NAV2: variants seen among roughly 807,000 people sequenced by gnomAD.
NAV2 encodes helicase, APC down-regulated 1.
In NAV2, 54 loss-of-function variants were observed where a neutral mutation model predicts 223.2. That is an observed-to-expected ratio of 0.24 (90% CI 0.19 to 0.30). The LOEUF (loss-of-function observed/expected upper bound fraction) is 0.30, where lower values mean the gene tolerates loss of function less well. Ranked by LOEUF, NAV2 falls within the 10% of genes least tolerant of loss-of-function variation. NAV2 has a pLI of 1.00. For missense variants in NAV2, 2,806 were observed against 3,147.5 expected (o/e 0.89, Z 2.60); for synonymous variants, 1,279 against 1,239.3 (o/e 1.03, Z -0.67).
chr11:19,468,150 A>C (rs1246575087), intron 1 of NAV2, among the ~76,000 whole-genome samples: 5 of 152,210 alleles, frequency 3.3e-5, no homozygotes, highest in Non-Finnish European at 5.9e-5. Flanking sequence ...TTCCATCCCC[A>C]ACTCCACTAC....
At chr11:20,117,806 T>G (rs2245828) in intron 37 of NAV2, among the ~76,000 whole-genome samples, 23,058 of 152,116 alleles carry the variant, frequency 0.15, 2,267 homozygotes, top group East Asian at 0.38. Context: ...TGTATAGAGA[T>G]CATCATTTTG....
chr11:19,395,275 C>T (rs985229715), intron 1 of NAV2, among the ~76,000 whole-genome samples: 1 of 152,228 alleles, frequency 6.6e-6, no homozygotes, highest in African/African-American at 2.4e-5. Flanking sequence ...GGAGAGAAAG[C>T]CCCTCATTGG....
intron 1 of NAV2, among the ~76,000 whole-genome samples, chr11:19,687,481 T>C (rs780908244): frequency 7.9e-5 from 12 of 152,320 alleles, no homozygotes; most frequent in Non-Finnish European, 1.3e-4. Context: ...GGTCAAGACA[T>C]AGAACATTAC....
At chr11:19,891,340 C>T (rs1041031504) in intron 5 of NAV2, among the ~76,000 whole-genome samples, 1 of 152,182 alleles carries the variant, frequency 6.6e-6, no homozygotes, top group Non-Finnish European at 1.5e-5. Context: ...ATTTATTCAT[C>T]TTTCAACTTT....
Position 19,933,873 on chromosome 11 carries a change from C to T in NAV2, c.1629C>T (p.Ile543=). The T allele has an allele frequency of 1.2e-6, 2 of 1,601,786 alleles. No individual in the cohort carries two copies. Among genetic ancestry groups the T allele is most frequent in the South Asian group, 1.1e-5 (1 of 89,352 alleles). Residue 543 remains isoleucine, a synonymous_variant, in exon 7 of 38, where the codon ATC becomes ATT. Coordinates refer to ENST00000349880, the MANE Select transcript of NAV2 (RefSeq NM_145117.5). This position sits in a 1 kb window ranked among gnomAD's most constrained non-coding sequence, Gnocchi z 4.3. ...AGTCCTCCAAGATTGCCAGCTTCAT[C>T]CCCAAAGGGGGGAAGCTCAACAGTG... The part of the protein sequence containing the change: ...PKKSSKIASF[I]PKGGKLNSAK...
chr11:19,770,289 A>G (rs1482251672), intron 1 of NAV2, among the ~76,000 whole-genome samples: 1 of 151,866 alleles, frequency 6.6e-6, no homozygotes, highest in East Asian at 1.9e-4. Flanking sequence ...ATGAACCCCT[A>G]GCCCACCTGA....
intron 1 of NAV2, among the ~76,000 whole-genome samples, chr11:19,527,973 A>ACACACACACACACACACACACACAC (rs2043897505): frequency 1.8e-5 from 2 of 112,096 alleles, no homozygotes; most frequent in African/African-American, 8.9e-5. Flanking sequence ...CACACACACA[A>ACACACACACACACACACACACACAC]TCCTGGGAAT....
At position 20,044,062 on chromosome 11, in the gene NAV2, G is replaced by A. The variant is rs2057210006; in HGVS notation, c.2989G>A (p.Asp997Asn). The A allele has an allele frequency of 6.2e-7, 1 of 1,614,204 alleles. No individual in the cohort carries two copies. Among genetic ancestry groups the A allele is most frequent in the Non-Finnish European group, 8.5e-7 (1 of 1,180,022 alleles). ...TGTCAAGAAATCAGACGGAGGCTCA[G>A]ACAGCGGCATAAAAATGGAGCCAGG... ...DDVKKSDGGSDSGIKMEPGSK... is the reference protein window; with the variant it reads ...DDVKKSDGGSNSGIKMEPGSK... Residue 997 changes from aspartate (D) to asparagine (N), a missense_variant, in exon 13 of 38, where the codon GAC becomes AAC. Asp to Asn is a conservative substitution (Grantham distance 23, BLOSUM62 1). Coordinates refer to ENST00000349880, the MANE Select transcript of NAV2 (RefSeq NM_145117.5).
chr11:19,385,456 C>T (rs1292192809), intron 1 of NAV2, among the ~76,000 whole-genome samples: 1 of 152,176 alleles, frequency 6.6e-6, no homozygotes, highest in Admixed American at 6.5e-5. Flanking sequence ...TGCTATTTAT[C>T]ATATTTTCTT....
At chr11:20,116,792 T>C (rs773314390) in intron 37 of NAV2, among the ~76,000 whole-genome samples, 1 of 152,234 alleles carries the variant, frequency 6.6e-6, no homozygotes, top group Non-Finnish European at 1.5e-5. Context: ...TTCTGCTCTT[T>C]CTGCCCAGGG....
At chr11:19,410,286 A>G (rs1289317984) in intron 1 of NAV2, among the ~76,000 whole-genome samples, 2 of 152,022 alleles carry the variant, frequency 1.3e-5, no homozygotes, top group Non-Finnish European at 2.9e-5. Flanking sequence ...ATGGAATTTC[A>G]TTCTGACTCT....
At chr11:19,776,668 G>GTGTGTGTGTGTGTGTGTGTGTGTGTGTC (rs1170413542) in intron 1 of NAV2, among the ~76,000 whole-genome samples, 1 of 150,050 alleles carries the variant, frequency 6.7e-6, no homozygotes, top group African/African-American at 2.5e-5. Context: ...GTGTGTGTGT[G>GTGTGTGTGTGTGTGTGTGTGTGTGTGTC]TGTGTGTGGT....
rs1849588027 is a variant in NAV2, at chr11:19,399,283, A to C, written c.75+48256A>C. On this transcript the variant is annotated intron_variant, in intron 1 of 37. Transcript: ENST00000360655. The stretch of plus-strand genomic sequence containing the variant: ...CCACGCTGCACTCCCTGCCACCTTC[A>C]GAAGTCAGATTCTAACCTGGAGAGT... 2.0e-5 allele frequency among the ~76,000 whole-genome samples: 3 copies of C among 152,334 alleles called. No homozygotes were observed. In the South Asian group the frequency reaches 6.2e-4, roughly 32 times the overall value.
intron 5 of NAV2, among the ~76,000 whole-genome samples, chr11:19,881,215 C>T (rs1286035573): frequency 2.6e-5 from 4 of 152,176 alleles, no homozygotes; most frequent in Non-Finnish European, 5.9e-5. Flanking sequence ...TTAAAACCAG[C>T]ACTGATGGGT....
At chr11:19,814,017 T>C (rs2058966679) in intron 1 of NAV2, among the ~76,000 whole-genome samples, 1 of 152,206 alleles carries the variant, frequency 6.6e-6, no homozygotes, top group African/African-American at 2.4e-5. Flanking sequence ...CTAGAAGAGC[T>C]AACTGCCACC....
chr11:19,463,715 G>A (rs1453164196), intron 1 of NAV2, among the ~76,000 whole-genome samples: 1 of 152,174 alleles, frequency 6.6e-6, no homozygotes, highest in Non-Finnish European at 1.5e-5. Context: ...GTTCAGAGGC[G>A]AGCTGGTGAT....
In NAV2 at chr11:19,713,329, T is replaced by G. The variant is rs2049999231; in HGVS notation, c.-367T>G. ...GGGCCTCCTCACTTCGGAGATGCAG[T>G]GACAAGTTAATATGGGCGTCCAAGC... On this transcript the variant is annotated 5_prime_UTR_variant, in exon 1 of 38. The change abolishes the stop of an existing upstream ORF in the 5' untranslated region. Coordinates refer to ENST00000349880, the MANE Select transcript of NAV2 (RefSeq NM_145117.5). This position sits in a 1 kb window ranked among gnomAD's most constrained non-coding sequence, Gnocchi z 7.2. 1 of 1,079,826 alleles carries G rather than the reference T, an allele frequency of 9.3e-7. No homozygotes were observed. Among genetic ancestry groups the G allele is most frequent in the Non-Finnish European group, 1.1e-6 (1 of 892,206 alleles). 66.9% of individuals were successfully genotyped at this position (1,079,826 alleles called of 1,614,324 possible). A position where few individuals can be genotyped will look rare whatever the true frequency, so the allele number is the denominator to read the frequency against.
At chr11:19,838,105 G>C (rs1408708454) in intron 2 of NAV2, among the ~76,000 whole-genome samples, 2 of 152,188 alleles carry the variant, frequency 1.3e-5, no homozygotes, top group South Asian at 2.1e-4. Context: ...TACTATTCCT[G>C]TGACTTTTCT....
At chr11:19,517,903 G>T (rs767765239) in intron 1 of NAV2, among the ~76,000 whole-genome samples, 1 of 152,260 alleles carries the variant, frequency 6.6e-6, no homozygotes, top group Non-Finnish European at 1.5e-5. Context: ...GCATTAAGAT[G>T]GAGGTGTAGA....
Sources: gnomAD v4.1 joint callset for allele counts (sites outside exome capture counted in the v4.1 genomes callset) on GRCh38, gnomAD v4.1.1 for gene constraint, Gnocchi (gnomAD v3.1) non-coding constraint, MANE v1.5 for transcripts, NCBI Gene and HGNC (gene_info 2026-07-23, HGNC 2026-07-21) for gene names.